Variants in CUX1 observed in about 807,000 individuals in gnomAD.
CUX1 encodes cut like homeobox 1.
In CUX1, 31 loss-of-function variants were observed where a neutral mutation model predicts 158.8. The observed-to-expected ratio is 0.20, with a 90% CI of 0.15 to 0.26. The LOEUF is 0.26. Ranked by LOEUF, CUX1 falls within the 10% of genes least tolerant of loss-of-function variation. CUX1 has a pLI of 1.00. For synonymous variants in CUX1, 879 were observed against 862.1 expected, an observed-to-expected ratio of 1.02 and a Z score of -0.34; for missense variants, 1,589 against 2,014.6, an observed-to-expected ratio of 0.79 and a Z score of 4.04.
rs11373420 is a variant in CUX1 at position 101,871,310 on chromosome 7, T to TAA, written c.31-44798_31-44797dup. ...TCAGTTACATGATAATTCTAAAAAA[T>TAA]AAAAAAAAGCCTTTTTTTTTTTTTG... On this transcript the variant is annotated intron_variant, in intron 1 of 23. Transcript: ENST00000292535. 1.9e-4 allele frequency among the ~76,000 whole-genome samples: 29 copies of TAA among 149,598 alleles called. No homozygotes were observed. The East Asian group carries it at 2.4e-3, about 12-fold the overall frequency.
chr7:101,981,926 C>T (rs1813498738), intron 2 of CUX1, among the ~76,000 whole-genome samples: 1 of 152,120 alleles, frequency 6.6e-6, no homozygotes, highest in Admixed American at 6.5e-5. Flanking sequence ...CAAGTCTTGA[C>T]TCTAATAAAA....
chr7:102,146,356 A>G (rs1455233286), intron 8 of CUX1, among the ~76,000 whole-genome samples: 1 of 152,178 alleles, frequency 6.6e-6, no homozygotes, highest in Non-Finnish European at 1.5e-5. Context: ...GTGAGCACCC[A>G]GCCGGCCAGA....
intron 1 of CUX1, among the ~76,000 whole-genome samples, chr7:101,859,495 G>A (rs550454604): frequency 2.6e-5 from 4 of 152,176 alleles, no homozygotes; most frequent in South Asian, 2.1e-4. Context: ...CAAGCTTCCC[G>A]TATTTGGCCT....
At chr7:102,134,089 C>A (rs1239223349) in intron 8 of CUX1, among the ~76,000 whole-genome samples, 15 of 152,174 alleles carry the variant, frequency 9.9e-5, no homozygotes, top group African/African-American at 3.6e-4. Flanking sequence ...AATCACAGCA[C>A]CTTGAGAGGC....
chr7:101,956,582 G>C (rs528790499), intron 2 of CUX1, among the ~76,000 whole-genome samples: 1 of 152,304 alleles, frequency 6.6e-6, no homozygotes, highest in East Asian at 1.9e-4. Context: ...CAGTTACCTT[G>C]AGAATTTTGT....
chr7:101,907,394 G>C (rs189256866), intron 1 of CUX1, among the ~76,000 whole-genome samples: 10 of 151,878 alleles, frequency 6.6e-5, no homozygotes, highest in Admixed American at 5.3e-4. Flanking sequence ...TGTTTCCCAG[G>C]CTGGAGTGCA....
At chr7:102,112,238 C>G (rs78857076) in intron 7 of CUX1, among the ~76,000 whole-genome samples, 3 of 130,272 alleles carry the variant, frequency 2.3e-5, no homozygotes, top group Non-Finnish European at 5.0e-5. Flanking sequence ...TTCTTTCTCT[C>G]TCTCTTTTTT....
At chr7:101,983,788 A>G (rs1813804834) in intron 2 of CUX1, among the ~76,000 whole-genome samples, 2 of 152,214 alleles carry the variant, frequency 1.3e-5, no homozygotes, top group East Asian at 1.9e-4. Context: ...GCACCAAGCC[A>G]TTCATGAGCA....
chr7:102,239,657 G>C (rs548926780), intron 23 of CUX1, 73 bp downstream of exon 23: 3 of 1,526,018 alleles, frequency 2.0e-6, no homozygotes, highest in South Asian at 2.6e-5. Flanking sequence ...GGCCGCCATG[G>C]CGCACAGGGG....
At chr7:101,861,851 A>C in intron 1 of CUX1, among the ~76,000 whole-genome samples, 1 of 148,350 alleles carries the variant, frequency 6.7e-6, no homozygotes. Flanking sequence ...TGCAACCTCC[A>C]CCTCCCGGAG....
intron 8 of CUX1, among the ~76,000 whole-genome samples, chr7:102,132,232 G>T (rs1049630724): frequency 1.3e-5 from 2 of 151,262 alleles, no homozygotes; most frequent in African/African-American, 4.9e-5. Context: ...ATGGACAGAC[G>T]GATGGGCAGA....
chr7:102,279,201 C>T (rs1396061231), intron 18 of CUX1, among the ~76,000 whole-genome samples: 2 of 152,042 alleles, frequency 1.3e-5, no homozygotes, highest in Admixed American at 6.6e-5. Context: ...ATTGGCTGGG[C>T]GTGGTGTCAT....
intron 14 of CUX1, among the ~76,000 whole-genome samples, chr7:102,270,141 A>G (rs1297270028): frequency 3.9e-5 from 6 of 152,248 alleles, no homozygotes; most frequent in Non-Finnish European, 8.8e-5. Flanking sequence ...CATAAAAGGC[A>G]GGGCCAGAAT....
At chr7:102,213,831 A>G (rs1796787365) in intron 20 of CUX1, among the ~76,000 whole-genome samples, 1 of 152,138 alleles carries the variant, frequency 6.6e-6, no homozygotes, top group African/African-American at 2.4e-5. Flanking sequence ...TGATGTCCGT[A>G]ATCCTTAATC....
At chr7:101,817,039 C>T (rs555764714), upstream of CUX1, 172 of 984,584 alleles carry the variant, frequency 1.7e-4, 1 homozygote, top group South Asian at 6.5e-3. The surrounding 1 kb of genome is among the most constrained non-coding windows in gnomAD (Gnocchi z 4.1). Flanking sequence ...TGGCGGACCC[C>T]CGCGGGGGCT....
intron 8 of CUX1, among the ~76,000 whole-genome samples, chr7:102,145,428 G>A (rs868978970): frequency 1.3e-4 from 19 of 151,230 alleles, no homozygotes; most frequent in African/African-American, 4.4e-4. Context: ...TGATGATCTC[G>A]CGATGGTGTC....
chr7:101,862,018 A>G (rs1256472452), intron 1 of CUX1, among the ~76,000 whole-genome samples: 1 of 152,132 alleles, frequency 6.6e-6, no homozygotes, highest in East Asian at 1.9e-4. Flanking sequence ...TATTTTTAAT[A>G]GAGATGGGGT....
chr7:101,825,079 G>A (rs192220090), intron 1 of CUX1, among the ~76,000 whole-genome samples: 5 of 152,300 alleles, frequency 3.3e-5, no homozygotes, highest in South Asian at 2.1e-4. Context: ...CGCCGAGAGC[G>A]TAGTCAGCAA....
At chr7:102,183,694 G>A (rs782030988) in intron 11 of CUX1, among the ~76,000 whole-genome samples, 9 of 152,160 alleles carry the variant, frequency 5.9e-5, no homozygotes, top group Non-Finnish European at 1.3e-4. Flanking sequence ...CCGTGAGACC[G>A]AAGACTCCCA....
Sources: allele counts gnomAD v4.1 joint callset (sites outside exome capture counted in the v4.1 genomes callset), GRCh38; gene constraint gnomAD v4.1.1; non-coding constraint Gnocchi (gnomAD v3.1); transcripts MANE v1.5; gene names NCBI Gene and HGNC (gene_info 2026-07-23, HGNC 2026-07-21).